Variants in MTA3 observed in about 807,000 individuals in gnomAD.
MTA3 encodes the protein metastasis associated 1 family member 3.
MTA3 carries 34 observed loss-of-function variants against 83.5 expected under a neutral mutation model. The ratio of observed to expected loss-of-function variants is 0.41; its 90% confidence interval spans 0.31 to 0.54. MTA3 has a LOEUF of 0.54. Ranked by LOEUF, MTA3 falls within the 20% of genes least tolerant of loss-of-function variation. The probability of loss-of-function intolerance (pLI) is 0.33; values close to 1 mark genes in which losing one functional copy is unlikely to be tolerated. For missense variants in MTA3, 761 were observed against 726.4 expected (o/e 1.05, Z -0.55); for synonymous variants, 303 against 252.7 (o/e 1.20, Z -1.89).
At chr2:42,661,291 G>C (rs1471328912) in intron 8 of MTA3, among the ~76,000 whole-genome samples, 1 of 151,992 alleles carries the variant, frequency 6.6e-6, no homozygotes, top group African/African-American at 2.4e-5. Flanking sequence ...TTGAGCTCAG[G>C]AGTTTGATAC....
chr2:42,564,254 A>G (rs1388326606), upstream of MTA3, among the ~76,000 whole-genome samples: 1 of 152,208 alleles, frequency 6.6e-6, no homozygotes, highest in Non-Finnish European at 1.5e-5. Flanking sequence ...TAATGTTACT[A>G]GAGAAGGAAC....
At chr2:42,588,860 GA>G (rs1422211237) in intron 3 of MTA3, among the ~76,000 whole-genome samples, 6 of 152,014 alleles carry the variant, frequency 3.9e-5, no homozygotes, top group Non-Finnish European at 8.8e-5. Context: ...CATATAAAGA[GA>G]TTTTTTTTGC....
intron 4 of MTA3, among the ~76,000 whole-genome samples, chr2:42,614,515 G>T (rs915190205): frequency 2.0e-5 from 3 of 152,092 alleles, no homozygotes; most frequent in African/African-American, 7.2e-5. Context: ...AATTTGAGAT[G>T]GGCAACACAA....
At chr2:42,664,256 C>T (rs1690010009) in intron 8 of MTA3, among the ~76,000 whole-genome samples, 1 of 152,082 alleles carries the variant, frequency 6.6e-6, no homozygotes, top group Admixed American at 6.5e-5. Flanking sequence ...GATCCTGAGG[C>T]ATTTATAAAA....
chr2:42,681,065 A>T (rs1691851875), intron 8 of MTA3, among the ~76,000 whole-genome samples: 1 of 152,128 alleles, frequency 6.6e-6, no homozygotes, highest in Non-Finnish European at 1.5e-5. Context: ...AGTAAGCTAG[A>T]CCTAAGTAAC....
At chr2:42,747,291 C>T (rs920450239) in intron 16 of MTA3, among the ~76,000 whole-genome samples, 5 of 152,116 alleles carry the variant, frequency 3.3e-5, no homozygotes, top group Admixed American at 6.5e-5. Flanking sequence ...TGAGCCACTG[C>T]GCCTGGCCCC....
chr2:42,621,803 C>T (rs1260500144), intron 4 of MTA3, among the ~76,000 whole-genome samples: 1 of 152,024 alleles, frequency 6.6e-6, no homozygotes, highest in East Asian at 1.9e-4. Flanking sequence ...AGACGCTCCT[C>T]ACCTCCCAGA....
At chr2:42,589,235 G>A (rs1454174269) in intron 3 of MTA3, among the ~76,000 whole-genome samples, 3 of 152,034 alleles carry the variant, frequency 2.0e-5, no homozygotes, top group South Asian at 2.1e-4. Context: ...TAAAATATAC[G>A]TTTGTGTTTT....
intron 4 of MTA3, among the ~76,000 whole-genome samples, chr2:42,635,818 G>C (rs1185669665): frequency 1.3e-5 from 2 of 152,016 alleles, no homozygotes; most frequent in Non-Finnish European, 2.9e-5. Context: ...CCAGGCTCGA[G>C]TGCAGTGGCA....
At chr2:42,747,966 C>G (rs1669564502) in intron 16 of MTA3, among the ~76,000 whole-genome samples, 1 of 152,098 alleles carries the variant, frequency 6.6e-6, no homozygotes, top group Non-Finnish European at 1.5e-5. Flanking sequence ...TCTCCCCCAC[C>G]TCACCCCCAG....
At chr2:42,725,907 C>A (rs1311708582) in intron 16 of MTA3, among the ~76,000 whole-genome samples, 1 of 152,216 alleles carries the variant, frequency 6.6e-6, no homozygotes, top group Non-Finnish European at 1.5e-5. Flanking sequence ...AATGGAGGCA[C>A]ACATGTTAGA....
At chr2:42,497,230 A>AT (rs747461485) in intron 2 of MTA3, among the ~76,000 whole-genome samples, 4 of 151,774 alleles carry the variant, frequency 2.6e-5, no homozygotes, top group Non-Finnish European at 5.9e-5. Flanking sequence ...TCAAAAAAAA[A>AT]CAAAACAAAC....
chr2:42,642,905 A>G (rs951086647), intron 5 of MTA3, among the ~76,000 whole-genome samples: 17 of 152,052 alleles, frequency 1.1e-4, no homozygotes, highest in African/African-American at 3.9e-4. Context: ...TCGGCCTCCC[A>G]AAGTGCTGGG....
chr2:42,551,090 A>G (rs894164501), intron 2 of MTA3, among the ~76,000 whole-genome samples: 1 of 151,542 alleles, frequency 6.6e-6, no homozygotes, highest in African/African-American at 2.4e-5. Context: ...TAAATAAATT[A>G]AAATTTATGA....
intron 4 of MTA3, among the ~76,000 whole-genome samples, chr2:42,639,100 G>A (rs1370397663): frequency 2.1e-5 from 3 of 145,554 alleles, no homozygotes; most frequent in Non-Finnish European, 4.5e-5. Flanking sequence ...TTGCTCTGTC[G>A]CCCGGGCTGG....
rs544628044 is a variant in MTA3 at position 42,739,312 on chromosome 2, AAG to A, written c.1760-14059_1760-14058del. On this transcript the variant is annotated intron_variant, in intron 16 of 16. Coordinates refer to ENST00000405094, the MANE Select transcript of MTA3 (RefSeq NM_001330442.2). ...TGATTATCGGGGCAGGTCCCCCAGT[AAG>A]AGTGAGACCTTGTCTCAAAAACAAA... Among the ~76,000 whole-genome samples the A allele has an allele frequency of 8.1e-4, 124 of 152,342 alleles. 1 individual carries two copies. The highest frequency in any genetic ancestry group is 2.6e-3 in the African/African-American group (110 of 41,582).
intron 2 of MTA3, among the ~76,000 whole-genome samples, chr2:42,500,936 G>A (rs1006551123): frequency 1.3e-5 from 2 of 150,716 alleles, no homozygotes; most frequent in African/African-American, 2.4e-5. Context: ...TCAGCCTCCC[G>A]AGTAGCTGGG....
chr2:42,579,219 A>T lies in MTA3; in HGVS notation c.190+19A>T. The T allele has an allele frequency of 6.5e-7, 1 of 1,540,258 alleles. No individual in the cohort carries two copies. Among genetic ancestry groups the T allele is most frequent in the South Asian group, 1.2e-5 (1 of 80,342 alleles). ...CATGCTAGTAAGTTGTTTTTCTCTG[A>T]TTAAAAAAACGTTTTAAGTCTTGTG... On this transcript the variant is annotated intron_variant, in intron 3 of 16. Coordinates refer to ENST00000405094, the MANE Select transcript of MTA3 (RefSeq NM_001330442.2).
chr2:42,608,760 T>C (rs1683815937), intron 3 of MTA3, among the ~76,000 whole-genome samples: 1 of 152,114 alleles, frequency 6.6e-6, no homozygotes, highest in African/African-American at 2.4e-5. Flanking sequence ...GATGTACGCC[T>C]GTAATCACAG....
Sources: allele counts gnomAD v4.1 joint callset (sites outside exome capture counted in the v4.1 genomes callset), GRCh38; gene constraint gnomAD v4.1.1; transcripts MANE v1.5; gene names NCBI Gene and HGNC (gene_info 2026-07-23, HGNC 2026-07-21).